XKR4: variants seen among roughly 807,000 people sequenced by gnomAD.
The protein encoded by XKR4 is XK-related protein 4.
In XKR4, 12 loss-of-function variants were observed where a neutral mutation model predicts 53.9. That is an observed-to-expected ratio of 0.22 (90% CI 0.14 to 0.36). The LOEUF (loss-of-function observed/expected upper bound fraction) is 0.36. Among genes scored for constraint, XKR4 ranks in the 10% least tolerant of loss-of-function variants. The pLI is 1.00. For missense variants in XKR4, 799 were observed against 859.5 expected (o/e 0.93, Z 0.88); for synonymous variants, 354 against 362.4 (o/e 0.98, Z 0.26).
intron 1 of XKR4, among the ~76,000 whole-genome samples, chr8:55,137,289 G>A (rs1816644658): frequency 6.6e-6 from 1 of 152,026 alleles, no homozygotes; most frequent in Non-Finnish European, 1.5e-5. Context: ...TTCCTTGGAG[G>A]CCTTTCAACC....
intron 2 of XKR4, among the ~76,000 whole-genome samples, chr8:55,371,079 G>A (rs182191140): frequency 1.1e-4 from 17 of 150,132 alleles, no homozygotes; most frequent in East Asian, 7.8e-4. Flanking sequence ...GAGCAATCTC[G>A]TATGCAAAAT....
intron 1 of XKR4, among the ~76,000 whole-genome samples, chr8:55,225,897 G>T (rs190167838): frequency 6.6e-6 from 1 of 152,194 alleles, no homozygotes; most frequent in Non-Finnish European, 1.5e-5. Flanking sequence ...AGTTTGTTTT[G>T]TTCTGTAAGA....
intron 1 of XKR4, among the ~76,000 whole-genome samples, chr8:55,121,010 A>G (rs1437317994): frequency 6.6e-6 from 1 of 152,184 alleles, no homozygotes; most frequent in African/African-American, 2.4e-5. Flanking sequence ...AGCAGTATGC[A>G]TTTAGGATTC....
Position 55,457,146 on chromosome 8 carries a change from C to CTTTTCTTTTTTTTTTTTTTT in XKR4, c.1007-66131_1007-66130insCTTTTTTTTTTTTTTTTTTT, listed in dbSNP as rs533607534. Among the ~76,000 whole-genome samples, 12 of 137,232 alleles carry CTTTTCTTTTTTTTTTTTTTT rather than the reference C, an allele frequency of 8.7e-5. 4 individuals are homozygous for CTTTTCTTTTTTTTTTTTTTT. Among genetic ancestry groups the CTTTTCTTTTTTTTTTTTTTT allele is most frequent in the East Asian group, 2.1e-4 (1 of 4,680 alleles). 90.0% of individuals were successfully genotyped at this position (137,232 alleles called of 152,430 possible). A position where few individuals can be genotyped will look rare whatever the true frequency, so the allele number is the denominator to read the frequency against. On this transcript the variant is annotated intron_variant, in intron 2 of 2. Transcript: ENST00000327381. ...CAAGTGCTGAATTTTTTTTCCTTTT[C>CTTTTCTTTTTTTTTTTTTTT]TTTTTTTTTTTTTTGAGACTGAGTC...
At chr8:55,207,448 A>T (rs1817665288) in intron 1 of XKR4, among the ~76,000 whole-genome samples, 1 of 152,188 alleles carries the variant, frequency 6.6e-6, no homozygotes, top group Non-Finnish European at 1.5e-5. Flanking sequence ...ATCATACTGT[A>T]CATGTGTGTA....
At chr8:55,433,463 C>T (rs56289976) in intron 2 of XKR4, among the ~76,000 whole-genome samples, 1 of 152,150 alleles carries the variant, frequency 6.6e-6, no homozygotes. Flanking sequence ...TTTATACTCT[C>T]ATTTTCAAGA....
chr8:55,474,391 A>T (rs1254291197), intron 2 of XKR4, among the ~76,000 whole-genome samples: 1 of 152,188 alleles, frequency 6.6e-6, no homozygotes, highest in Non-Finnish European at 1.5e-5. Flanking sequence ...GTTAAAAATC[A>T]GGTAGCCTTT....
intron 2 of XKR4, among the ~76,000 whole-genome samples, chr8:55,522,027 T>G (rs1056738041): frequency 1.3e-5 from 2 of 152,206 alleles, no homozygotes; most frequent in Non-Finnish European, 2.9e-5. Context: ...GTTCAGCTCA[T>G]TAGGGAAGCC....
intron 2 of XKR4, among the ~76,000 whole-genome samples, chr8:55,445,695 T>C (rs559887394): frequency 6.6e-6 from 1 of 152,204 alleles, no homozygotes; most frequent in South Asian, 2.1e-4. Flanking sequence ...AGCCTGCTGA[T>C]TGGGCACTAT....
At chr8:55,510,562 G>T (rs948706536) in intron 2 of XKR4, among the ~76,000 whole-genome samples, 1 of 152,084 alleles carries the variant, frequency 6.6e-6, no homozygotes, top group African/African-American at 2.4e-5. Context: ...AGATGGGAAT[G>T]AAGAGGAGTC....
chr8:55,438,908 A>G (rs1486888752), intron 2 of XKR4, among the ~76,000 whole-genome samples: 2 of 152,174 alleles, frequency 1.3e-5, no homozygotes, highest in African/African-American at 4.8e-5. Flanking sequence ...TGACAGAGAA[A>G]CTGAGTTTTA....
intron 2 of XKR4, among the ~76,000 whole-genome samples, chr8:55,364,434 GCGTGTT>G (rs1274602028): frequency 6.6e-6 from 1 of 152,196 alleles, no homozygotes; most frequent in Non-Finnish European, 1.5e-5. Flanking sequence ...TCCTTCTGTA[GCGTGTT>G]CTCCCCGATG....
chr8:55,374,991 T>C (rs1178141735), intron 2 of XKR4, among the ~76,000 whole-genome samples: 1 of 152,132 alleles, frequency 6.6e-6, no homozygotes, highest in African/African-American at 2.4e-5. Context: ...CTTCCAGCAG[T>C]TTGCAGTAAC....
intron 2 of XKR4, among the ~76,000 whole-genome samples, chr8:55,489,854 A>G (rs1438160496): frequency 6.6e-6 from 1 of 152,150 alleles, no homozygotes; most frequent in Non-Finnish European, 1.5e-5. Context: ...TTAACTTACC[A>G]CCACCATCTA....
chr8:55,209,701 G>T (rs959707810), intron 1 of XKR4, among the ~76,000 whole-genome samples: 2 of 152,158 alleles, frequency 1.3e-5, no homozygotes, highest in African/African-American at 2.4e-5. Context: ...GGTGCGTGTT[G>T]CTGCAAGGAG....
rs1231016064 is a variant in XKR4, at chr8:55,289,723, GAGAAAGAAAGAAAGAAAGAAAA to G, written c.807-67939_807-67918del. Among the ~76,000 whole-genome samples the G allele has an allele frequency of 2.1e-3, 104 of 49,054 alleles. 2 individuals are homozygous for G. Among genetic ancestry groups the G allele is most frequent in the Middle Eastern group, 9.8e-3 (1 of 102 alleles). The allele number at this position is 49,054 out of a possible 152,430, so 32.2% of individuals were successfully genotyped here. On this transcript the variant is annotated intron_variant, in intron 1 of 2. Coordinates refer to ENST00000327381, the MANE Select transcript of XKR4 (RefSeq NM_052898.2). The stretch of plus-strand genomic sequence containing the variant: ...AAAGAAAGAAAGAAAGAGAGAGAAA[GAGAAAGAAAGAAAGAAAGAAAA>G]AGAAAGAAAGAAAGAGAGAAAGAAA...
rs1807036686 is a variant in XKR4 at position 55,536,697 on chromosome 8, TA to T, written c.*12472del. 6.6e-6 allele frequency: 1 copy of T among 152,218 alleles called. No homozygotes were observed. Among genetic ancestry groups the T allele is most frequent in the Non-Finnish European group, 1.5e-5 (1 of 68,032 alleles). 9.4% of individuals were successfully genotyped at this position (152,218 alleles called of 1,614,324 possible). ...AGTCTCTTTGTTGTGCCAAGAGAAA[TA>T]ATGCAGAACAAATGTTATTTAATTT... On this transcript the variant is annotated 3_prime_UTR_variant, in exon 3 of 3. Coordinates refer to ENST00000327381, the MANE Select transcript of XKR4 (RefSeq NM_052898.2).
rs141749241 is a variant in XKR4 at position 55,479,915 on chromosome 8, A to G, written c.1007-43366A>G. Among the ~76,000 whole-genome samples the G allele has an allele frequency of 5.9e-3, 902 of 152,274 alleles. 9 individuals carry two copies. The highest frequency in any genetic ancestry group is 0.02 in the African/African-American group (841 of 41,578). The stretch of plus-strand genomic sequence containing the variant: ...AAATTGTGGCAATAATCAATAGCTT[A>G]CCAAGCAAAGAAAAGTCCAGGACCA... On this transcript the variant is annotated intron_variant, in intron 2 of 2. Transcript: ENST00000327381.
intron 2 of XKR4, among the ~76,000 whole-genome samples, chr8:55,397,640 A>C (rs1436490626): frequency 1.3e-5 from 2 of 151,590 alleles, no homozygotes; most frequent in African/African-American, 2.4e-5. Context: ...ACACATGCAC[A>C]CACACATGGG....
Sources: allele counts gnomAD v4.1 joint callset (sites outside exome capture counted in the v4.1 genomes callset), GRCh38; gene constraint gnomAD v4.1.1; transcripts MANE v1.5; gene names NCBI Gene and HGNC (gene_info 2026-07-23, HGNC 2026-07-21).